Variants in PREX2 observed in about 807,000 individuals in gnomAD.
PREX2 encodes the protein phosphatidylinositol-3,4,5-trisphosphate dependent Rac exchange factor 2.
In PREX2, 107 loss-of-function variants were observed where a neutral mutation model predicts 203.2. The observed-to-expected ratio is 0.53, with a 90% CI of 0.45 to 0.62. The LOEUF is 0.62. PREX2 is among the 20% of genes least tolerant of loss of function. The pLI is 0.00. For missense variants in PREX2, 1,777 were observed against 1,955.9 expected, an observed-to-expected ratio of 0.91 and a Z score of 1.72; for synonymous variants, 672 against 663.6, an observed-to-expected ratio of 1.01 and a Z score of -0.19.
intron 1 of PREX2, among the ~76,000 whole-genome samples, chr8:67,958,443 T>C (rs976503278): frequency 9.2e-5 from 14 of 152,216 alleles, no homozygotes; most frequent in African/African-American, 3.4e-4. Context: ...AACAGTCTTG[T>C]AATTATACCC....
At chr8:68,055,584 T>C (rs984526162) in intron 9 of PREX2, among the ~76,000 whole-genome samples, 6 of 152,292 alleles carry the variant, frequency 3.9e-5, no homozygotes, top group African/African-American at 1.4e-4. Flanking sequence ...CTTACTCCCC[T>C]GGCTAAAGCT....
chr8:68,216,470 A>G (rs1812840040), intron 37 of PREX2, among the ~76,000 whole-genome samples: 1 of 152,222 alleles, frequency 6.6e-6, no homozygotes, highest in Admixed American at 6.5e-5. Flanking sequence ...CCATTAATAC[A>G]ATTTTAGGAG....
chr8:68,123,272 A>T (rs1180745648), intron 30 of PREX2, among the ~76,000 whole-genome samples: 1 of 152,100 alleles, frequency 6.6e-6, no homozygotes, highest in Non-Finnish European at 1.5e-5. Flanking sequence ...CTAAATGCCC[A>T]TATCCAAAAG....
chr8:68,052,416 C>G (rs187917121), intron 8 of PREX2, among the ~76,000 whole-genome samples: 4 of 152,074 alleles, frequency 2.6e-5, no homozygotes, highest in African/African-American at 9.7e-5. Flanking sequence ...GACAGTTTAC[C>G]TAAAATTATA....
chr8:68,059,192 A>AT (rs2129611300), intron 10 of PREX2, among the ~76,000 whole-genome samples: 1 of 152,372 alleles, frequency 6.6e-6, no homozygotes, highest in Non-Finnish European at 1.5e-5. Flanking sequence ...AATAGTTTAT[A>AT]TAAAAGTTCA....
At chr8:68,140,681 CTTATCT>C (rs145391419) in intron 33 of PREX2, among the ~76,000 whole-genome samples, 6,617 of 152,152 alleles carry the variant, frequency 0.043, 451 homozygotes, top group African/African-American at 0.15. Context: ...TGGCTTCATT[CTTATCT>C]TTAAGCATGA....
At chr8:67,988,802 G>A (rs774817283) in intron 1 of PREX2, among the ~76,000 whole-genome samples, 9 of 152,194 alleles carry the variant, frequency 5.9e-5, no homozygotes, top group Non-Finnish European at 1.3e-4. Context: ...TGGGGAAGGT[G>A]ACAAGGTGGA....
chr8:68,062,988 T>C (rs1015571113), intron 11 of PREX2, among the ~76,000 whole-genome samples: 1 of 152,086 alleles, frequency 6.6e-6, no homozygotes, highest in Admixed American at 6.6e-5. Context: ...ATATTTTGAG[T>C]GAACAGATGA....
intron 1 of PREX2, among the ~76,000 whole-genome samples, chr8:68,003,317 G>C (rs1806998889): frequency 6.6e-6 from 1 of 151,858 alleles, no homozygotes; most frequent in South Asian, 2.1e-4. Flanking sequence ...AGCCTGGCTT[G>C]TATAATAGTT....
At chr8:68,010,605 T>G (rs1807230848) in intron 1 of PREX2, among the ~76,000 whole-genome samples, 1 of 152,344 alleles carries the variant, frequency 6.6e-6, no homozygotes, top group Non-Finnish European at 1.5e-5. Flanking sequence ...TGTAATCTTC[T>G]CCACCTCTCT....
At chr8:68,138,777 CATAA>C (rs1332767833) in intron 33 of PREX2, among the ~76,000 whole-genome samples, 4 of 152,082 alleles carry the variant, frequency 2.6e-5, no homozygotes, top group Non-Finnish European at 2.9e-5. Flanking sequence ...TCCACATTCC[CATAA>C]ATATAGTTAA....
chr8:68,143,308 G>A (rs1408038814), intron 33 of PREX2, among the ~76,000 whole-genome samples: 1 of 151,998 alleles, frequency 6.6e-6, no homozygotes, highest in Non-Finnish European at 1.5e-5. Context: ...ATGAGATCTG[G>A]TTGTTTAAAA....
At chr8:68,024,730 C>G (rs1807666510) in intron 4 of PREX2, among the ~76,000 whole-genome samples, 1 of 151,910 alleles carries the variant, frequency 6.6e-6, no homozygotes, top group Non-Finnish European at 1.5e-5. Flanking sequence ...TGTTTTACCA[C>G]CTACTTTTGT....
intron 37 of PREX2, among the ~76,000 whole-genome samples, chr8:68,209,031 C>T (rs1176355958): frequency 6.8e-6 from 1 of 146,360 alleles, no homozygotes; most frequent in African/African-American, 2.6e-5. Flanking sequence ...CCTGCCACTG[C>T]ACTCCAGCCT....
At chr8:68,132,344 C>G (rs1187036554) in intron 31 of PREX2, among the ~76,000 whole-genome samples, 1 of 151,492 alleles carries the variant, frequency 6.6e-6, no homozygotes, top group East Asian at 1.9e-4. Flanking sequence ...CCTTTCCTAT[C>G]TAGTAGCATG....
At position 68,020,086 on chromosome 8, in the gene PREX2, A is replaced by T. The variant is rs937168372; in HGVS notation, c.336+415A>T. Among the ~76,000 whole-genome samples, 3 of 151,526 alleles carry T rather than the reference A, an allele frequency of 2.0e-5. 1 individual carries two copies. In the South Asian group the frequency reaches 6.3e-4, roughly 32 times the overall value. The stretch of plus-strand genomic sequence containing the variant: ...TTCCCTTGTTAATCAACTTGTGACA[A>T]ACCTGGAGTTGAATAAACCCAGTAG... On this transcript the variant is annotated intron_variant, in intron 3 of 39. Coordinates refer to ENST00000288368, the MANE Select transcript of PREX2 (RefSeq NM_024870.4).
intron 1 of PREX2, 25 bp downstream of exon 1, chr8:67,952,560 G>A (rs771361369): frequency 1.2e-6 from 2 of 1,601,122 alleles, no homozygotes; most frequent in Non-Finnish European, 1.7e-6. Context: ...CAGACGCAGG[G>A]GGACGTCCGG....
chr8:68,078,744 C>T (rs545255835), intron 15 of PREX2, among the ~76,000 whole-genome samples: 15 of 152,166 alleles, frequency 9.9e-5, no homozygotes, highest in African/African-American at 3.6e-4. Flanking sequence ...GGGATTAAAC[C>T]TGTAATATAA....
At chr8:68,148,794 T>G (rs898108375) in intron 34 of PREX2, among the ~76,000 whole-genome samples, 1 of 152,228 alleles carries the variant, frequency 6.6e-6, no homozygotes, top group Non-Finnish European at 1.5e-5. Flanking sequence ...TGGAAAACAT[T>G]CTGTACCATT....
Sources: allele counts gnomAD v4.1 joint callset (sites outside exome capture counted in the v4.1 genomes callset), GRCh38; gene constraint gnomAD v4.1.1; transcripts MANE v1.5; gene names NCBI Gene and HGNC (gene_info 2026-07-23, HGNC 2026-07-21).